CELF4: variants seen among roughly 807,000 people sequenced by gnomAD.
CELF4 encodes the protein CUGBP Elav-like family member 4.
Under a neutral mutation model 59.9 loss-of-function variants are expected in CELF4, and 18 were observed. The ratio of observed to expected loss-of-function variants is 0.30; its 90% CI spans 0.21 to 0.45. CELF4 has a LOEUF of 0.45. CELF4 is among the 20% of genes least tolerant of loss of function. CELF4 has a pLI of 1.00. For missense variants in CELF4, 456 were observed against 689.0 expected (o/e 0.66, Z 3.79); for synonymous variants, 261 against 267.1 (o/e 0.98, Z 0.22).
intron 3 of CELF4, among the ~76,000 whole-genome samples, chr18:37,318,641 C>A (rs865913212): frequency 3.1e-5 from 4 of 129,004 alleles, no homozygotes; most frequent in Non-Finnish European, 3.0e-5. Context: ...CCCCCCCCCC[C>A]CACTTTCTAC....
chr18:37,266,156 G>A (rs1437755299), intron 9 of CELF4: 4 of 373,238 alleles, frequency 1.1e-5, no homozygotes, highest in Non-Finnish European at 1.5e-5. Context: ...TGTGGCCCAT[G>A]GTGGGCAGCA....
chr18:37,272,574 A>C (rs111262212), intron 7 of CELF4, among the ~76,000 whole-genome samples: 50 of 72,424 alleles, frequency 6.9e-4, no homozygotes, highest in African/African-American at 3.2e-3. Context: ...AGGGAAATGA[A>C]AAAAAAAAAA....
At chr18:37,511,613 C>T (rs1392518743) in intron 1 of CELF4, among the ~76,000 whole-genome samples, 1 of 151,632 alleles carries the variant, frequency 6.6e-6, no homozygotes, top group Non-Finnish European at 1.5e-5. Context: ...GCTGTGAGCG[C>T]CAAACAGTGG....
intron 1 of CELF4, among the ~76,000 whole-genome samples, chr18:37,522,741 G>GT (rs2099958996): frequency 6.6e-6 from 1 of 152,044 alleles, no homozygotes; most frequent in Non-Finnish European, 1.5e-5. Context: ...GGAGGCCCTG[G>GT]GCCACAGCTC....
chr18:37,325,168 G>A (rs200939320), intron 2 of CELF4, among the ~76,000 whole-genome samples: 1 of 91,652 alleles, frequency 1.1e-5, no homozygotes, highest in Non-Finnish European at 2.1e-5. Flanking sequence ...CAACGGGGGA[G>A]TGAGGCCATT....
At chr18:37,540,538 A>G (rs2099977085) in intron 1 of CELF4, among the ~76,000 whole-genome samples, 1 of 152,180 alleles carries the variant, frequency 6.6e-6, no homozygotes. Context: ...TATGTGGGCC[A>G]CAAGGACACA....
At chr18:37,539,613 G>A (rs1445543017) in intron 1 of CELF4, among the ~76,000 whole-genome samples, 1 of 151,178 alleles carries the variant, frequency 6.6e-6, no homozygotes, top group East Asian at 2.0e-4. Flanking sequence ...CTTCACTCAT[G>A]CACTCTTGTT....
intron 2 of CELF4, among the ~76,000 whole-genome samples, chr18:37,418,398 C>T (rs149746179): frequency 4.6e-5 from 7 of 152,228 alleles, no homozygotes; most frequent in African/African-American, 1.4e-4. Flanking sequence ...TGGCTCTGCT[C>T]TCTCTTCTCA....
intron 2 of CELF4, among the ~76,000 whole-genome samples, chr18:37,443,106 C>A (rs1402810529): frequency 6.6e-6 from 1 of 152,158 alleles, no homozygotes. Flanking sequence ...AGGGTGAGAA[C>A]CTGACGGGAG....
rs578185465 is a variant in CELF4, at chr18:37,534,864, G to A, written c.286+30492C>T. On this transcript the variant is annotated intron_variant, in intron 1 of 12. Transcript: ENST00000420428. ...AAGAGGTGACATGCCTCACAGAGCC[G>A]GGTGTTTACAGAACCCCTTCTGAAA... 5.3e-5 allele frequency among the ~76,000 whole-genome samples: 8 copies of A among 152,244 alleles called. No individual in the cohort carries two copies. In the South Asian group the frequency reaches 1.2e-3, roughly 24 times the overall value.
At chr18:37,527,970 A>G (rs912451395) in intron 1 of CELF4, among the ~76,000 whole-genome samples, 7 of 152,226 alleles carry the variant, frequency 4.6e-5, no homozygotes, top group African/African-American at 1.7e-4. Flanking sequence ...CATGGTTCCT[A>G]GCACAGTTTT....
chr18:37,344,544 A>G (rs902317609), intron 2 of CELF4, among the ~76,000 whole-genome samples: 1 of 152,278 alleles, frequency 6.6e-6, no homozygotes, highest in African/African-American at 2.4e-5. Flanking sequence ...AACTACAGGT[A>G]GACTCTGGAA....
chr18:37,516,028 A>C (rs370225018), intron 1 of CELF4, among the ~76,000 whole-genome samples: 1 of 152,168 alleles, frequency 6.6e-6, no homozygotes, highest in African/African-American at 2.4e-5. Context: ...GAATGAATGA[A>C]TGTGGATGAT....
intron 1 of CELF4, among the ~76,000 whole-genome samples, chr18:37,547,117 TACA>T (rs2099981640): frequency 1.3e-5 from 2 of 151,882 alleles, no homozygotes; most frequent in African/African-American, 4.8e-5. Context: ...GCGAACTCCT[TACA>T]ACAATTAACC....
chr18:37,384,313 G>A (rs2099075584), intron 2 of CELF4, among the ~76,000 whole-genome samples: 1 of 152,132 alleles, frequency 6.6e-6, no homozygotes, highest in South Asian at 2.1e-4. Context: ...GGACCCAGTC[G>A]GGTTGTGCTA....
intron 2 of CELF4, among the ~76,000 whole-genome samples, chr18:37,475,904 C>T (rs935327919): frequency 3.3e-5 from 5 of 152,202 alleles, no homozygotes; most frequent in African/African-American, 1.2e-4. Context: ...TCTGTCCTCC[C>T]CACTCCATGG....
chr18:37,307,392 A>G (rs1183374549), intron 3 of CELF4, among the ~76,000 whole-genome samples: 1 of 152,158 alleles, frequency 6.6e-6, no homozygotes, highest in African/African-American at 2.4e-5. Flanking sequence ...CTCCGATCCA[A>G]ATTAAAACAT....
intron 1 of CELF4, among the ~76,000 whole-genome samples, chr18:37,531,826 G>A (rs1319455270): frequency 6.6e-6 from 1 of 152,182 alleles, no homozygotes; most frequent in African/African-American, 2.4e-5. Context: ...GGTGCAGTTA[G>A]GGTCCTTGGG....
chr18:37,342,513 G>C (rs571958384), intron 2 of CELF4, among the ~76,000 whole-genome samples: 209 of 152,284 alleles, frequency 1.4e-3, no homozygotes, highest in African/African-American at 4.9e-3. Context: ...GAGGGCAGGA[G>C]TGAGGAGTGG....
Sources: allele counts gnomAD v4.1 joint callset (sites outside exome capture counted in the v4.1 genomes callset), GRCh38; gene constraint gnomAD v4.1.1; transcripts MANE v1.5; gene names NCBI Gene and HGNC (gene_info 2026-07-23, HGNC 2026-07-21).